The following ZNF655 variants were observed in gnomAD, a reference collection of about 807,000 sequenced individuals.
The protein encoded by ZNF655 is Vav-interacting Kruppel-like protein 1.
In ZNF655, 3 loss-of-function variants were observed where a neutral mutation model predicts 6.6. The observed-to-expected ratio is 0.46, with a 90% CI of 0.21 to 1.18. The LOEUF (loss-of-function observed/expected upper bound fraction) is 1.18. Ranked by LOEUF, ZNF655 falls within the 50% of genes most tolerant of loss-of-function variation. The pLI is 0.24. For missense variants in ZNF655, 526 were observed against 572.3 expected (o/e 0.92, Z 0.83); for synonymous variants, 178 against 195.0 (o/e 0.91, Z 0.73).
chr7:99,562,065 A>T (rs1345380349), intron 2 of ZNF655: 3 of 1,154,716 alleles, frequency 2.6e-6, no homozygotes, highest in Non-Finnish European at 3.5e-6. Flanking sequence ...CCTTGCCTGG[A>T]ATTTTTTTCA....
chr7:99,562,051 T>A, intron 2 of ZNF655: 1 of 1,302,218 alleles, frequency 7.7e-7, no homozygotes, highest in Non-Finnish European at 1.0e-6. Flanking sequence ...ATCCCATCTG[T>A]AGACCTTGCC....
At chr7:99,561,041 C>T in intron 2 of ZNF655, 1 of 172,704 alleles carries the variant, frequency 5.8e-6, no homozygotes, top group East Asian at 1.6e-4. Context: ...CTCACTTCCT[C>T]TTAGGTTCAG....
intron 1 of ZNF655, among the ~76,000 whole-genome samples, chr7:99,559,337 T>G (rs1015302296): frequency 6.7e-6 from 1 of 149,730 alleles, no homozygotes; most frequent in East Asian, 2.0e-4. Flanking sequence ...TAAATCGGAG[T>G]GGGCTGACGG....
chr7:99,560,533 T>G lies in ZNF655; in HGVS notation c.-27T>G, dbSNP rs770502226. On this transcript the variant is annotated splice_region_variant and 5_prime_UTR_variant, in exon 2 of 3. Coordinates refer to ENST00000252713, the MANE Select transcript of ZNF655 (RefSeq NM_138494.3). Reference sequence around the variant, plus strand: ...AATTTCTCTTAATCTTACCTTGCAGTGATGGTCATTGTCCTCCAGAGCAGT... The same window carrying G: ...AATTTCTCTTAATCTTACCTTGCAGGGATGGTCATTGTCCTCCAGAGCAGT... 4 of 1,610,380 alleles carry G rather than the reference T, an allele frequency of 2.5e-6. No individual in the cohort carries two copies. In the East Asian group the frequency reaches 8.9e-5, roughly 36 times the overall value.
intron 2 of ZNF655, among the ~76,000 whole-genome samples, chr7:99,569,677 A>G (rs1584260543): frequency 2.0e-5 from 3 of 152,330 alleles, no homozygotes; most frequent in East Asian, 3.9e-4. Flanking sequence ...AGCTCTTGGC[A>G]TGGTACTTTG....
chr7:99,562,547 G>A (rs913211228), intron 2 of ZNF655: 5 of 1,577,126 alleles, frequency 3.2e-6, no homozygotes, highest in Non-Finnish European at 4.3e-6. Flanking sequence ...TTACTTTCTT[G>A]TTTCTTCCTA....
At chr7:99,565,489 AGACATTAGAACGTTG>A (rs1356935376) in intron 2 of ZNF655, among the ~76,000 whole-genome samples, 1 of 152,240 alleles carries the variant, frequency 6.6e-6, no homozygotes, top group African/African-American at 2.4e-5. Context: ...TATTTGTCAC[AGACATTAGAACGTTG>A]GTCCTTTGCT....
At chr7:99,561,551 C>G (rs73405247) in intron 2 of ZNF655, among the ~76,000 whole-genome samples, 11,556 of 152,216 alleles carry the variant, frequency 0.076, 634 homozygotes, top group African/African-American at 0.16. Context: ...ATAACCCTAG[C>G]CCAGGACAAG....
In ZNF655 at chr7:99,573,413, G is replaced by C. The variant is rs574892459; in HGVS notation, c.1305G>C (p.Ser435=). Residue 435 remains serine (S), a synonymous_variant, in exon 3 of 3, where the codon TCG becomes TCC. Coordinates refer to ENST00000252713, the MANE Select transcript of ZNF655 (RefSeq NM_138494.3). ...QHHKMHRKEK[S]YECNEYEGSF... is the part of the protein sequence containing the mutation. Reference sequence around the variant, plus strand: ...ACAAAATGCATAGGAAAGAGAAATCGTATGAATGTAATGAGTATGAGGGCA... The same window carrying C: ...ACAAAATGCATAGGAAAGAGAAATCCTATGAATGTAATGAGTATGAGGGCA... 1 of 1,613,960 alleles carries C rather than the reference G, an allele frequency of 6.2e-7. No individual in the cohort carries two copies. Among genetic ancestry groups the C allele is most frequent in the Non-Finnish European group, 8.5e-7 (1 of 1,180,004 alleles).
chr7:99,571,654 C>T, intron 2 of ZNF655: 2 of 1,496,330 alleles, frequency 1.3e-6, no homozygotes, highest in Admixed American at 1.9e-5. Flanking sequence ...CCTGGGGATA[C>T]ATTGCCACAT....
chr7:99,573,132 A>C lies in ZNF655; in HGVS notation c.1024A>C (p.Thr342Pro). Reference sequence around the variant, plus strand: ...TGTATGTGGCAGTGACTTCTGCCATACTTCATACCTACTTGAACATCAGAG... The same window carrying C: ...TGTATGTGGCAGTGACTTCTGCCATCCTTCATACCTACTTGAACATCAGAG... ...CTVCGSDFCHTSYLLEHQRVH... is the reference protein window; with the variant it reads ...CTVCGSDFCHPSYLLEHQRVH... The change falls in exon 3 of 3, where the codon ACT (threonine) becomes CCT (proline). Residue 342 changes from threonine (T) to proline (P), a missense_variant. Physicochemically the swap from Thr to Pro is conservative, Grantham distance 38. Transcript: ENST00000252713. 1 of 1,614,118 alleles carries C rather than the reference A, an allele frequency of 6.2e-7. No individual in the cohort carries two copies. Among genetic ancestry groups the C allele is most frequent in the African/African-American group, 1.3e-5 (1 of 75,044 alleles).
Position 99,573,389 on chromosome 7 carries a change from C to G in ZNF655, c.1281C>G (p.His427Gln), listed in dbSNP as rs755439266. ...FSQTSCLIQHHKMHRKEKSYE... is the reference protein window; with the variant it reads ...FSQTSCLIQHQKMHRKEKSYE... ...AAACCTCATGCCTTATTCAGCATCACAAAATGCATAGGAAAGAGAAATCGT... is the reference window on the plus strand; with the variant it reads ...AAACCTCATGCCTTATTCAGCATCAGAAAATGCATAGGAAAGAGAAATCGT... Residue 427 changes from histidine (H) to glutamine (Q), a missense_variant, in exon 3 of 3, where the codon CAC becomes CAG. Physicochemically the swap from His to Gln is conservative, Grantham distance 24 (BLOSUM62 0). Transcript: ENST00000252713. The G allele has an allele frequency of 3.4e-5, 55 of 1,613,970 alleles. No individual in the cohort carries two copies. The highest frequency in any genetic ancestry group is 5.0e-5 in the Admixed American group (3 of 60,004).
chr7:99,562,448 C>T (rs748615156), intron 2 of ZNF655: 1 of 1,614,114 alleles, frequency 6.2e-7, no homozygotes, highest in South Asian at 1.1e-5. Flanking sequence ...AGAGGGACCT[C>T]TACAGAGAAG....
chr7:99,559,883 C>T (rs1490874252), intron 1 of ZNF655, among the ~76,000 whole-genome samples: 1 of 151,214 alleles, frequency 6.6e-6, no homozygotes, highest in Non-Finnish European at 1.5e-5. Context: ...CCGTCTGTGC[C>T]TCCCAAACTG....
At position 99,572,342 on chromosome 7, in the gene ZNF655, C is replaced by T. The variant is rs1187729401; in HGVS notation, c.234C>T (p.His78=). The T allele has an allele frequency of 5.0e-6, 8 of 1,613,568 alleles. No individual in the cohort carries two copies. Among genetic ancestry groups the T allele is most frequent in the Middle Eastern group, 1.6e-4 (1 of 6,080 alleles). The change falls in exon 3 of 3, where the codon CAC becomes CAT. Residue 78 remains histidine, a synonymous_variant. Transcript: ENST00000252713. ...SYKVRVGRLK[H]DITQVPETRE... is the part of the protein sequence containing the mutation. ...AAGTGAGAGTAGGAAGACTCAAACA[C>T]GATATTACCCAAGTTCCTGAGACTA...
rs917977036 is a variant in ZNF655, at chr7:99,574,234, G to A, written c.*650G>A. 5.9e-5 allele frequency: 9 copies of A among 152,172 alleles called. No homozygotes were observed. Among genetic ancestry groups the A allele is most frequent in the Non-Finnish European group, 1.3e-4 (9 of 68,030 alleles). The allele number at this position is 152,172 out of a possible 1,614,324, so 9.4% of individuals were successfully genotyped here. Reference sequence around the variant, plus strand: ...GGCTTTACCCAACATCGAAATAATGGAGAGAAAATTGTTGATTATTTGTTT... The same window carrying A: ...GGCTTTACCCAACATCGAAATAATGAAGAGAAAATTGTTGATTATTTGTTT... On this transcript the variant is annotated 3_prime_UTR_variant, in exon 3 of 3. Coordinates refer to ENST00000252713, the MANE Select transcript of ZNF655 (RefSeq NM_138494.3).
At position 99,573,740 on chromosome 7, in the gene ZNF655, A is replaced by T; in HGVS notation, c.*156A>T. 1.2e-6 allele frequency: 1 copy of T among 844,646 alleles called. No homozygotes were observed. The highest frequency in any genetic ancestry group is 1.8e-6 in the Non-Finnish European group (1 of 554,512). 52.3% of individuals were successfully genotyped at this position (844,646 alleles called of 1,614,324 possible). A position where few individuals can be genotyped will look rare whatever the true frequency, so the allele number is the denominator to read the frequency against. On this transcript the variant is annotated 3_prime_UTR_variant, in exon 3 of 3. Transcript: ENST00000252713. ...ATCAGATAATTCACACCAGAGAGAA[A>T]CCCTCTGAATGTGACGAATGAAGAA...
rs1318213876 is a variant in ZNF655, at chr7:99,572,371, A to T, written c.263A>T (p.Glu88Val). ...ATTACCCAAGTTCCTGAGACTAGAGAAGTGTATAAGTCTGAGGACAGATTA... is the reference window on the plus strand; with the variant it reads ...ATTACCCAAGTTCCTGAGACTAGAGTAGTGTATAAGTCTGAGGACAGATTA... ...HDITQVPETREVYKSEDRLER... is the reference protein window; with the variant it reads ...HDITQVPETRVVYKSEDRLER... Residue 88 changes from glutamate (E) to valine (V), a missense_variant, in exon 3 of 3, where the codon GAA becomes GTA. Physicochemically the swap from Glu to Val is moderately radical, Grantham distance 121. Transcript: ENST00000252713. 1.2e-6 allele frequency: 2 copies of T among 1,613,812 alleles called. No homozygotes were observed. The highest frequency in any genetic ancestry group is 4.5e-5 in the East Asian group (2 of 44,864).
intron 2 of ZNF655, among the ~76,000 whole-genome samples, chr7:99,566,304 A>G (rs1803628147): frequency 6.6e-6 from 1 of 152,180 alleles, no homozygotes; most frequent in African/African-American, 2.4e-5. Flanking sequence ...GTGTACTCTG[A>G]TGACAAGAAA....
Sources: gnomAD v4.1 joint callset for allele counts (sites outside exome capture counted in the v4.1 genomes callset) on GRCh38, gnomAD v4.1.1 for gene constraint, MANE v1.5 for transcripts, NCBI Gene and HGNC (gene_info 2026-07-23, HGNC 2026-07-21) for gene names.